The following PTPRT variants were observed in gnomAD, a reference collection of about 807,000 sequenced individuals.
PTPRT encodes the protein protein tyrosine phosphatase receptor type T.
PTPRT carries 56 observed loss-of-function variants against 176.8 expected under a neutral mutation model. The ratio of observed to expected loss-of-function variants is 0.32; its 90% CI spans 0.26 to 0.40. PTPRT has a LOEUF of 0.40. Ranked by LOEUF, PTPRT falls within the 10% of genes least tolerant of loss-of-function variation. The pLI, the probability that PTPRT is intolerant of heterozygous loss-of-function variation, is 1.00. For synonymous variants in PTPRT, 783 were observed against 739.0 expected (o/e 1.06, Z -0.96); for missense variants, 1,540 against 1,908.2 (o/e 0.81, Z 3.60).
chr20:42,209,439 A>G (rs1476550886), intron 15 of PTPRT, among the ~76,000 whole-genome samples: 1 of 152,086 alleles, frequency 6.6e-6, no homozygotes, highest in African/African-American at 2.4e-5. Context: ...AATCTAATAG[A>G]CACAATAAAA....
chr20:42,764,323 T>A (rs2076954416), intron 5 of PTPRT, among the ~76,000 whole-genome samples: 1 of 152,108 alleles, frequency 6.6e-6, no homozygotes, highest in African/African-American at 2.4e-5. Flanking sequence ...AGGAAGGGGA[T>A]AAGAGAATTA....
chr20:43,184,721 C>A (rs1356867314), intron 1 of PTPRT, among the ~76,000 whole-genome samples: 1 of 151,938 alleles, frequency 6.6e-6, no homozygotes, highest in Admixed American at 6.6e-5. Context: ...ATCACCATGC[C>A]TCACTGACAC....
chr20:42,263,446 T>TCTCGG (rs2056787181), intron 13 of PTPRT, among the ~76,000 whole-genome samples: 2 of 141,200 alleles, frequency 1.4e-5, no homozygotes, highest in African/African-American at 5.4e-5. Flanking sequence ...AGTGGCATGA[T>TCTCGG]CTCGGCTCGC....
At chr20:42,245,783 T>C (rs2056438585) in intron 14 of PTPRT, among the ~76,000 whole-genome samples, 2 of 152,086 alleles carry the variant, frequency 1.3e-5, no homozygotes. Flanking sequence ...ATCTTATGTT[T>C]CTGGAAACAT....
At chr20:42,629,495 A>G (rs1194579973) in intron 7 of PTPRT, among the ~76,000 whole-genome samples, 1 of 152,164 alleles carries the variant, frequency 6.6e-6, no homozygotes, top group Non-Finnish European at 1.5e-5. Flanking sequence ...TTTCTACACA[A>G]TGGGATCTGG....
In PTPRT at chr20:43,179,802, G is replaced by GA. The variant is rs1472165197; in HGVS notation, c.88+9843dup. ...AGGTTATATTTGTATTTTTCTCCAAGAAACAAGGTTTCCCACACTTGTGTG... is the reference window on the plus strand; with the variant it reads ...AGGTTATATTTGTATTTTTCTCCAAGAAAACAAGGTTTCCCACACTTGTGTG... On this transcript the variant is annotated intron_variant, in intron 1 of 30. Transcript: ENST00000373187. 5.9e-5 allele frequency among the ~76,000 whole-genome samples: 9 copies of GA among 152,204 alleles called. 1 individual carries two copies.
At chr20:42,312,929 G>A (rs1180863832) in intron 12 of PTPRT, among the ~76,000 whole-genome samples, 3 of 150,242 alleles carry the variant, frequency 2.0e-5, no homozygotes, top group Non-Finnish European at 3.0e-5. Context: ...ATCTTAAATA[G>A]GACCTGGGTA....
At chr20:42,923,511 T>A (rs1457833952) in intron 1 of PTPRT, among the ~76,000 whole-genome samples, 1 of 152,220 alleles carries the variant, frequency 6.6e-6, no homozygotes, top group East Asian at 1.9e-4. Context: ...GATTGGCAGA[T>A]AAAGCCCACG....
At chr20:42,948,712 G>A (rs1036757308) in intron 1 of PTPRT, among the ~76,000 whole-genome samples, 1 of 152,104 alleles carries the variant, frequency 6.6e-6, no homozygotes, top group African/African-American at 2.4e-5. Context: ...GATGCTTGAA[G>A]GACCCCACCC....
chr20:42,272,721 GCACACACACACA>G (rs58728446), intron 13 of PTPRT, among the ~76,000 whole-genome samples: 2 of 149,204 alleles, frequency 1.3e-5, no homozygotes, highest in Non-Finnish European at 3.0e-5. Context: ...ACACGTGCGC[GCACACACACACA>G]CACACACACA....
chr20:42,507,272 C>T (rs1386197167), intron 7 of PTPRT, among the ~76,000 whole-genome samples: 2 of 152,046 alleles, frequency 1.3e-5, no homozygotes, highest in African/African-American at 4.8e-5. Context: ...TTTTAAATCA[C>T]AAATTCTAAT....
chr20:43,187,981 C>T (rs1486001787), intron 1 of PTPRT, among the ~76,000 whole-genome samples: 1 of 152,230 alleles, frequency 6.6e-6, no homozygotes, highest in Non-Finnish European at 1.5e-5. Context: ...CTTCCCGAGC[C>T]GGTACGGGTT....
At chr20:42,886,331 T>A (rs1473646129) in intron 1 of PTPRT, among the ~76,000 whole-genome samples, 2 of 152,130 alleles carry the variant, frequency 1.3e-5, no homozygotes, top group Non-Finnish European at 2.9e-5. Flanking sequence ...CTGGCAAAAC[T>A]AGACAGCCAT....
At chr20:42,235,602 G>A (rs1362449912) in intron 15 of PTPRT, among the ~76,000 whole-genome samples, 1 of 151,832 alleles carries the variant, frequency 6.6e-6, no homozygotes, top group Non-Finnish European at 1.5e-5. Flanking sequence ...TTTTTAGCAA[G>A]TGCAAAAAAA....
chr20:42,519,607 C>A (rs1346074813), intron 7 of PTPRT, among the ~76,000 whole-genome samples: 3 of 152,052 alleles, frequency 2.0e-5, no homozygotes, highest in Non-Finnish European at 4.4e-5. Flanking sequence ...CTTATTTCTT[C>A]TGTCTTTCCA....
chr20:43,035,451 A>G (rs530699451), intron 1 of PTPRT, among the ~76,000 whole-genome samples: 1 of 152,290 alleles, frequency 6.6e-6, no homozygotes, highest in South Asian at 2.1e-4. Flanking sequence ...ACAAAAGACA[A>G]TAAAACTTTA....
chr20:42,893,611 C>T (rs1862624569), intron 1 of PTPRT, among the ~76,000 whole-genome samples: 1 of 151,862 alleles, frequency 6.6e-6, no homozygotes, highest in African/African-American at 2.4e-5. Context: ...GGAACCAACC[C>T]AAATGTCCAA....
intron 7 of PTPRT, among the ~76,000 whole-genome samples, chr20:42,653,192 G>A (rs1244183775): frequency 6.6e-6 from 1 of 152,024 alleles, no homozygotes; most frequent in Non-Finnish European, 1.5e-5. Flanking sequence ...GTTTTATAAG[G>A]GGCTTTTCCC....
chr20:43,106,614 G>T (rs143642918), intron 1 of PTPRT, among the ~76,000 whole-genome samples: 1 of 139,106 alleles, frequency 7.2e-6, no homozygotes, highest in Non-Finnish European at 1.5e-5. Context: ...CCGGGATCGC[G>T]CCATTGCACT....
Sources: gnomAD v4.1 joint callset for allele counts (sites outside exome capture counted in the v4.1 genomes callset) on GRCh38, gnomAD v4.1.1 for gene constraint, MANE v1.5 for transcripts, NCBI Gene and HGNC (gene_info 2026-07-23, HGNC 2026-07-21) for gene names.